ANK3: variants seen among roughly 807,000 people sequenced by gnomAD.
ANK3 encodes the protein ankyrin 3.
A neutral mutation model predicts 370.9 loss-of-function variants in ANK3; 57 were observed. The ratio of observed to expected loss-of-function variants is 0.15; its 90% CI spans 0.12 to 0.19. ANK3 has a LOEUF of 0.19. Among genes scored for constraint, ANK3 ranks in the 10% least tolerant of loss-of-function variants. ANK3 has a pLI of 1.00. For missense variants in ANK3, 4,439 were observed against 5,302.1 expected (o/e 0.84, Z 5.06); for synonymous variants, 1,929 against 1,946.3 (o/e 0.99, Z 0.23).
rs138497791 is a variant in ANK3 at position 60,038,949 on chromosome 10, A to C, written c.*19+3723T>G. On this transcript the variant is annotated intron_variant, in intron 43 of 43. Transcript: ENST00000280772. ...GGTGCCACTGATGAGGTCTTAGCTT[A>C]AATGTCATGATTTCAGAGAGACCTT... is the stretch of plus-strand genomic sequence containing the variant. Among the ~76,000 whole-genome samples, 18 of 152,292 alleles carry C rather than the reference A, an allele frequency of 1.2e-4. No individual in the cohort carries two copies. The East Asian group carries it at 3.1e-3, about 26-fold the overall frequency.
chr10:60,240,134 A>ACACATATATATACC, intron 7 of ANK3, among the ~76,000 whole-genome samples: 1 of 18,682 alleles, frequency 5.4e-5, no homozygotes, highest in Non-Finnish European at 1.4e-4. Context: ...ATATATATAC[A>ACACATATATATACC]TATATATACA....
chr10:60,732,595 G>C (rs984170932), intron 1 of ANK3, among the ~76,000 whole-genome samples: 2 of 152,068 alleles, frequency 1.3e-5, no homozygotes, highest in African/African-American at 4.8e-5. Flanking sequence ...GCACTGCCAC[G>C]ATAGCCACCC....
intron 2 of ANK3, among the ~76,000 whole-genome samples, chr10:60,407,618 G>A (rs1163773774): frequency 6.6e-6 from 1 of 151,950 alleles, no homozygotes; most frequent in Non-Finnish European, 1.5e-5. Flanking sequence ...CAATGTGTAC[G>A]GAAAAGCTGC....
chr10:60,205,978 A>T, intron 10 of ANK3, 88 bp from the exon 11 acceptor site: 1 of 836,394 alleles, frequency 1.2e-6, no homozygotes, highest in African/African-American at 1.7e-5. Context: ...TGCTAAAATG[A>T]TGTGTGGTAA....
intron 1 of ANK3, among the ~76,000 whole-genome samples, chr10:60,381,405 T>C (rs1242848360): frequency 6.6e-6 from 1 of 152,178 alleles, no homozygotes; most frequent in African/African-American, 2.4e-5. Flanking sequence ...GTATTTAACA[T>C]ATGAGTCTTC....
chr10:60,135,914 C>G (rs2094321533), intron 24 of ANK3, among the ~76,000 whole-genome samples: 1 of 151,988 alleles, frequency 6.6e-6, no homozygotes, highest in Admixed American at 6.6e-5. Flanking sequence ...AGATGGACCT[C>G]TCTTATCCCC....
chr10:60,571,997 A>C (rs2077610852), intron 2 of ANK3, among the ~76,000 whole-genome samples: 2 of 152,222 alleles, frequency 1.3e-5, no homozygotes, highest in African/African-American at 4.8e-5. Context: ...ATTAAAATGG[A>C]GTTCACCTCC....
At chr10:60,410,055 G>T (rs766448801) in intron 2 of ANK3, among the ~76,000 whole-genome samples, 1 of 152,082 alleles carries the variant, frequency 6.6e-6, no homozygotes, top group Non-Finnish European at 1.5e-5. Flanking sequence ...CCAAGAATCA[G>T]CTCAAGTATT....
At chr10:60,316,499 TTTTA>T (rs2047441503) in intron 1 of ANK3, among the ~76,000 whole-genome samples, 1 of 152,164 alleles carries the variant, frequency 6.6e-6, no homozygotes, top group South Asian at 2.1e-4. Flanking sequence ...ATAATAACAG[TTTTA>T]TTTGACAAGG....
intron 4 of ANK3, among the ~76,000 whole-genome samples, chr10:60,272,838 T>A (rs2098021006): frequency 6.6e-6 from 1 of 152,124 alleles, no homozygotes; most frequent in Admixed American, 6.6e-5. Flanking sequence ...ACAAGATATT[T>A]ATGTCAAGAC....
At chr10:60,261,810 A>G in intron 7 of ANK3, 49 bp downstream of exon 7, 1 of 1,530,112 alleles carries the variant, frequency 6.5e-7, no homozygotes, top group Non-Finnish European at 9.0e-7. Flanking sequence ...AAGAGAGTAT[A>G]AAATAGTTGC....
In ANK3 at chr10:60,055,937, C is replaced by G; in HGVS notation, c.12786G>C (p.Lys4262Asn). The change falls in exon 42 of 44, where the codon AAG becomes AAC. Residue 4262 changes from lysine (K) to asparagine (N), a missense_variant. Lys to Asn is a moderately conservative substitution (Grantham distance 94). Coordinates refer to ENST00000280772, the MANE Select transcript of ANK3 (RefSeq NM_020987.5). Reference protein sequence around the residue: ...GSHTEITPEAKTKSYFPESQN... With the variant: ...GSHTEITPEANTKSYFPESQN... Reference sequence around the variant, plus strand: ...GGGATTCTGGAAAGTAAGATTTTGTCTTTGCTTCTGGAGTGATTTCTGTAT... The same window carrying G: ...GGGATTCTGGAAAGTAAGATTTTGTGTTTGCTTCTGGAGTGATTTCTGTAT... 1 of 1,614,088 alleles carries G rather than the reference C, an allele frequency of 6.2e-7. No homozygotes were observed. The highest frequency in any genetic ancestry group is 8.5e-7 in the Non-Finnish European group (1 of 1,180,016).
intron 1 of ANK3, among the ~76,000 whole-genome samples, chr10:60,679,439 C>A (rs945305677): frequency 2.6e-5 from 4 of 152,284 alleles, no homozygotes; most frequent in South Asian, 2.1e-4. Flanking sequence ...TGGTGATTAG[C>A]AGCTTTCCAT....
chr10:60,478,579 C>T (rs1195313410), intron 2 of ANK3, among the ~76,000 whole-genome samples: 1 of 151,948 alleles, frequency 6.6e-6, no homozygotes, highest in Non-Finnish European at 1.5e-5. Context: ...CAAAGAAATA[C>T]TGTACAAGAA....
At chr10:60,040,709 G>C (rs921732567) in intron 43 of ANK3, among the ~76,000 whole-genome samples, 1 of 152,086 alleles carries the variant, frequency 6.6e-6, no homozygotes, top group Admixed American at 6.5e-5. Context: ...ATTTTTTGGT[G>C]TCATTTATTC....
chr10:60,524,924 A>T (rs1297369888), intron 2 of ANK3, among the ~76,000 whole-genome samples: 3 of 152,146 alleles, frequency 2.0e-5, no homozygotes, highest in African/African-American at 7.2e-5. Context: ...CAATGTAATC[A>T]TTGAATACCC....
chr10:60,313,033 C>T (rs1227304587), intron 1 of ANK3, among the ~76,000 whole-genome samples: 4 of 152,194 alleles, frequency 2.6e-5, no homozygotes, highest in African/African-American at 9.7e-5. Flanking sequence ...GAAGGCCAGT[C>T]CCGGTAGCTA....
Position 60,056,021 on chromosome 10 carries a change from T to C in ANK3, c.12702A>G (p.Arg4234=). The change falls in exon 42 of 44, where the codon AGA becomes AGG. Residue 4234 remains arginine, a synonymous_variant. Coordinates refer to ENST00000280772, the MANE Select transcript of ANK3 (RefSeq NM_020987.5). ...DRLDDSPDQC[R]DSITSYLKGE... ...CTTTGAGATATGAGGTAATGGAATC[T>C]CTACACTGGTCAGGGCTGCAACAGA... 6.2e-7 allele frequency: 1 copy of C among 1,611,946 alleles called. No homozygotes were observed. Among genetic ancestry groups the C allele is most frequent in the Non-Finnish European group, 8.5e-7 (1 of 1,179,430 alleles).
intron 1 of ANK3, among the ~76,000 whole-genome samples, chr10:60,640,192 T>C (rs61854466): frequency 0.15 from 22,269 of 151,098 alleles, 2,077 homozygotes; most frequent in South Asian, 0.27. Flanking sequence ...GATTCACAGC[T>C]GAATTCTACG....
Sources: allele counts gnomAD v4.1 joint callset (sites outside exome capture counted in the v4.1 genomes callset), GRCh38; gene constraint gnomAD v4.1.1; transcripts MANE v1.5; gene names NCBI Gene and HGNC (gene_info 2026-07-23, HGNC 2026-07-21).